CYB5R4: variants seen among roughly 807,000 people sequenced by gnomAD.
CYB5R4 encodes N-terminal cytochrome b5 and cytochrome b5 oxidoreductase domain-containing protein.
In CYB5R4, 55 loss-of-function variants were observed where a neutral mutation model predicts 70.2. The observed-to-expected ratio is 0.78, with a 90% CI of 0.63 to 0.98. CYB5R4 has a LOEUF of 0.98. CYB5R4 is among the 50% of genes least tolerant of loss of function. The pLI is 0.00. For synonymous variants in CYB5R4, 197 were observed against 199.5 expected, an observed-to-expected ratio of 0.99 and a Z score of 0.11; for missense variants, 562 against 612.6, an observed-to-expected ratio of 0.92 and a Z score of 0.87.
chr6:83,916,854 A>G (rs1184479409), intron 5 of CYB5R4, among the ~76,000 whole-genome samples: 1 of 152,204 alleles, frequency 6.6e-6, no homozygotes, highest in East Asian at 1.9e-4. Context: ...TCTTAAATTT[A>G]TATCAAATAC....
At chr6:83,910,395 A>G (rs890079939) in intron 4 of CYB5R4, 16 of 415,380 alleles carry the variant, frequency 3.9e-5, no homozygotes, top group Non-Finnish European at 5.7e-5. Flanking sequence ...AGTGGGCTTT[A>G]CTAGACAGAC....
intron 14 of CYB5R4, among the ~76,000 whole-genome samples, chr6:83,949,133 G>A (rs1348375054): frequency 7.6e-6 from 1 of 131,730 alleles, no homozygotes; most frequent in Non-Finnish European, 1.6e-5. Flanking sequence ...TTTTTTTTTA[G>A]TGAGGTCAGG....
intron 8 of CYB5R4, among the ~76,000 whole-genome samples, chr6:83,922,107 T>C (rs1588577202): frequency 1.3e-5 from 2 of 152,148 alleles, no homozygotes; most frequent in Non-Finnish European, 2.9e-5. Context: ...GTGCTTCAGG[T>C]GCTGCCTCTC....
At chr6:83,874,147 T>G (rs2099458135) in intron 2 of CYB5R4, among the ~76,000 whole-genome samples, 1 of 16,226 alleles carries the variant, frequency 6.2e-5, no homozygotes, top group East Asian at 3.7e-3. Flanking sequence ...TCCCTTCCCC[T>G]CCCCTCCCTT....
intron 14 of CYB5R4, among the ~76,000 whole-genome samples, chr6:83,947,209 A>G (rs1217378998): frequency 6.6e-6 from 1 of 152,196 alleles, no homozygotes; most frequent in Non-Finnish European, 1.5e-5. Context: ...CAAAACAGAT[A>G]TATAGACTAG....
chr6:83,944,740 G>T (rs1352903508), intron 14 of CYB5R4, among the ~76,000 whole-genome samples: 4 of 151,514 alleles, frequency 2.6e-5, no homozygotes, highest in Non-Finnish European at 5.9e-5. Context: ...GATGGAGGAA[G>T]ATTTACCAAG....
At chr6:83,889,714 G>A (rs1562831162) in intron 2 of CYB5R4, among the ~76,000 whole-genome samples, 1 of 152,170 alleles carries the variant, frequency 6.6e-6, no homozygotes, top group South Asian at 2.1e-4. Flanking sequence ...AAAGAAAAGA[G>A]GTTTAATTGG....
At chr6:83,930,510 T>G (rs1004305224) in intron 10 of CYB5R4, among the ~76,000 whole-genome samples, 14 of 152,172 alleles carry the variant, frequency 9.2e-5, no homozygotes, top group African/African-American at 3.4e-4. Flanking sequence ...GCTCATCTGT[T>G]CCAAGTTTTA....
At chr6:83,901,460 GTA>G (rs901281751) in intron 3 of CYB5R4, among the ~76,000 whole-genome samples, 1 of 152,154 alleles carries the variant, frequency 6.6e-6, no homozygotes, top group Non-Finnish European at 1.5e-5. Flanking sequence ...TTCTCGAGGA[GTA>G]TCTTAGTGGA....
At chr6:83,955,587 A>T in intron 15 of CYB5R4, 125 bp downstream of exon 15, 1 of 913,652 alleles carries the variant, frequency 1.1e-6, no homozygotes, top group South Asian at 2.4e-5. Context: ...GTTTTAGAAA[A>T]TAACAAAGTC....
intron 13 of CYB5R4, 38 bp downstream of exon 13, chr6:83,940,244 G>A: frequency 6.4e-7 from 1 of 1,558,902 alleles, no homozygotes; most frequent in Non-Finnish European, 8.7e-7. Flanking sequence ...CCTTTTTGAG[G>A]CTGTTATATT....
At chr6:83,933,450 ATT>A (rs2099468452) in intron 10 of CYB5R4, among the ~76,000 whole-genome samples, 1 of 152,174 alleles carries the variant, frequency 6.6e-6, no homozygotes, top group Non-Finnish European at 1.5e-5. Context: ...AGCATTGATT[ATT>A]AGCTGTTGGC....
chr6:83,883,607 A>C (rs936232727), intron 2 of CYB5R4, among the ~76,000 whole-genome samples: 2 of 152,218 alleles, frequency 1.3e-5, no homozygotes, highest in Non-Finnish European at 2.9e-5. Context: ...CAGATAAACC[A>C]AAACTGGAAA....
chr6:83,919,491 A>G (rs1035096726), intron 7 of CYB5R4, 37 bp downstream of exon 7: 1 of 1,133,848 alleles, frequency 8.8e-7, no homozygotes, highest in African/African-American at 1.6e-5. Context: ...GAAGAAAATA[A>G]TAAATGTTAA....
At chr6:83,931,862 A>T (rs182240086) in intron 10 of CYB5R4, among the ~76,000 whole-genome samples, 310 of 151,228 alleles carry the variant, frequency 2.0e-3, no homozygotes, top group African/African-American at 7.2e-3. Context: ...CAGGTTTGTT[A>T]CATATGTATA....
intron 8 of CYB5R4, among the ~76,000 whole-genome samples, chr6:83,921,898 G>A (rs1433708300): frequency 6.6e-6 from 1 of 152,084 alleles, no homozygotes; most frequent in East Asian, 1.9e-4. Flanking sequence ...AGTTCCATAG[G>A]GGCAGAAATG....
intron 4 of CYB5R4, among the ~76,000 whole-genome samples, chr6:83,911,462 A>T (rs1562836854): frequency 6.6e-6 from 1 of 152,164 alleles, no homozygotes; most frequent in Non-Finnish European, 1.5e-5. Context: ...AACAAGACTG[A>T]GCTCTTATCT....
chr6:83,942,155 A>G (rs1030382540), intron 14 of CYB5R4, among the ~76,000 whole-genome samples: 6 of 152,156 alleles, frequency 3.9e-5, no homozygotes, highest in African/African-American at 1.4e-4. Flanking sequence ...AAATGTTTAA[A>G]AGAATTTAAA....
intron 2 of CYB5R4, among the ~76,000 whole-genome samples, chr6:83,865,777 G>T (rs963172604): frequency 1.1e-4 from 17 of 152,106 alleles, no homozygotes; most frequent in Non-Finnish European, 1.8e-4. Flanking sequence ...CAATTAGAGT[G>T]TGAAATTTTC....
Sources: allele counts gnomAD v4.1 joint callset (sites outside exome capture counted in the v4.1 genomes callset), GRCh38; gene constraint gnomAD v4.1.1; transcripts MANE v1.5; gene names NCBI Gene and HGNC (gene_info 2026-07-23, HGNC 2026-07-21).